Variants in VPS13B observed in about 807,000 individuals in gnomAD.
VPS13B encodes the protein intermembrane lipid transfer protein VPS13B.
VPS13B carries 285 observed loss-of-function variants against 426.4 expected under a neutral mutation model. That is an observed-to-expected ratio of 0.67 (90% CI 0.61 to 0.74). VPS13B has a LOEUF of 0.74. Among genes scored for constraint, VPS13B ranks in the 30% least tolerant of loss-of-function variants. VPS13B has a pLI of 0.00. For synonymous variants in VPS13B, 1,676 were observed against 1,676.4 expected, an observed-to-expected ratio of 1.00 and a Z score of 0.01; for missense variants, 4,537 against 4,782.6, an observed-to-expected ratio of 0.95 and a Z score of 1.51.
intron 2 of VPS13B, among the ~76,000 whole-genome samples, chr8:99,034,327 C>T (rs1842643660): frequency 2.0e-5 from 3 of 152,022 alleles, no homozygotes; most frequent in Admixed American, 2.0e-4. Flanking sequence ...GTTGTTTAAA[C>T]CTTTGAGCTA....
At chr8:99,508,619 A>C (rs1410019934) in intron 28 of VPS13B, among the ~76,000 whole-genome samples, 1 of 152,146 alleles carries the variant, frequency 6.6e-6, no homozygotes, top group African/African-American at 2.4e-5. Flanking sequence ...GGAAGTGTTT[A>C]GATTTATTTT....
intron 21 of VPS13B, among the ~76,000 whole-genome samples, chr8:99,405,894 C>G (rs1815302875): frequency 6.6e-6 from 1 of 151,954 alleles, no homozygotes; most frequent in Admixed American, 6.6e-5. Flanking sequence ...ATTCTCCTGC[C>G]TCAGCCTCCT....
chr8:99,286,156 C>T (rs1819430588), intron 19 of VPS13B, among the ~76,000 whole-genome samples: 1 of 152,160 alleles, frequency 6.6e-6, no homozygotes, highest in South Asian at 2.1e-4. Context: ...GAGTTCTTAA[C>T]AGCAGGGAAC....
intron 17 of VPS13B, among the ~76,000 whole-genome samples, chr8:99,245,092 T>C (rs1817144487): frequency 6.6e-6 from 1 of 152,206 alleles, no homozygotes; most frequent in Non-Finnish European, 1.5e-5. Flanking sequence ...ACGGTAATTG[T>C]TTTTAATAGA....
chr8:99,496,478 C>T (rs542538832), intron 25 of VPS13B, among the ~76,000 whole-genome samples: 51 of 152,178 alleles, frequency 3.4e-4, no homozygotes, highest in African/African-American at 1.1e-3. Context: ...AGTGAAACCC[C>T]GTTTCTACTA....
intron 39 of VPS13B, among the ~76,000 whole-genome samples, chr8:99,747,846 CT>C (rs528924547): frequency 2.2e-4 from 33 of 149,050 alleles, no homozygotes; most frequent in Admixed American, 3.4e-4. Context: ...TCCAAGAATA[CT>C]TTTTTTTTTC....
chr8:99,706,244 T>G (rs960268876), intron 36 of VPS13B, among the ~76,000 whole-genome samples: 1 of 152,108 alleles, frequency 6.6e-6, no homozygotes, highest in Non-Finnish European at 1.5e-5. Context: ...TGGATTTCAG[T>G]GTTTGAAGTA....
At chr8:99,018,915 G>A (rs1841750851) in intron 2 of VPS13B, among the ~76,000 whole-genome samples, 1 of 151,964 alleles carries the variant, frequency 6.6e-6, no homozygotes, top group African/African-American at 2.4e-5. Context: ...TGCATTCCTG[G>A]AATAAACCTG....
At chr8:99,143,796 C>T (rs1369574447) in intron 13 of VPS13B, among the ~76,000 whole-genome samples, 1 of 152,156 alleles carries the variant, frequency 6.6e-6, no homozygotes, top group African/African-American at 2.4e-5. Flanking sequence ...ATTTCTCTGT[C>T]TCTACAATAC....
chr8:99,370,216 G>A (rs986710853), intron 19 of VPS13B, among the ~76,000 whole-genome samples: 3 of 152,156 alleles, frequency 2.0e-5, no homozygotes, highest in Non-Finnish European at 2.9e-5. Context: ...CATTCCATCC[G>A]AGGAGGTAAT....
chr8:99,561,420 C>T (rs1035938066), intron 31 of VPS13B, among the ~76,000 whole-genome samples: 17 of 152,084 alleles, frequency 1.1e-4, no homozygotes, highest in African/African-American at 2.9e-4. Flanking sequence ...TAATATTCCA[C>T]TGTGTGTATG....
intron 19 of VPS13B, among the ~76,000 whole-genome samples, chr8:99,343,908 A>G (rs1811385984): frequency 6.6e-6 from 1 of 152,248 alleles, no homozygotes; most frequent in Non-Finnish European, 1.5e-5. Context: ...AAAACGATTT[A>G]CAGATTAGTG....
At chr8:99,476,407 AT>A (rs200393313) in intron 24 of VPS13B, among the ~76,000 whole-genome samples, 9,656 of 143,894 alleles carry the variant, frequency 0.067, 390 homozygotes, top group African/African-American at 0.11. Context: ...GGATGGCTTG[AT>A]TTTTTTTTTT....
intron 17 of VPS13B, among the ~76,000 whole-genome samples, chr8:99,201,754 T>A (rs752118288): frequency 3.9e-5 from 6 of 152,212 alleles, no homozygotes; most frequent in Non-Finnish European, 7.4e-5. Context: ...GTAATCTTTA[T>A]GTTACATATA....
intron 5 of VPS13B, among the ~76,000 whole-genome samples, chr8:99,106,452 A>AC (rs1447776212): frequency 2.6e-4 from 39 of 150,712 alleles, no homozygotes; most frequent in Non-Finnish European, 5.3e-4. Flanking sequence ...AAAAAAAAAA[A>AC]AACCCAAAAC....
intron 16 of VPS13B, among the ~76,000 whole-genome samples, chr8:99,186,815 G>A (rs1406202264): frequency 6.6e-6 from 1 of 151,946 alleles, no homozygotes; most frequent in Admixed American, 6.6e-5. Flanking sequence ...AAATAATTAA[G>A]GAGAGAATTT....
At chr8:99,341,790 G>C (rs1333385624) in intron 19 of VPS13B, 3 of 339,612 alleles carry the variant, frequency 8.8e-6, no homozygotes, top group Non-Finnish European at 1.8e-5. Context: ...CGTCCCACCA[G>C]AGCCCACGTG....
intron 19 of VPS13B, among the ~76,000 whole-genome samples, chr8:99,344,795 T>C (rs183838916): frequency 1.5e-3 from 221 of 152,250 alleles, no homozygotes; most frequent in African/African-American, 5.0e-3. Context: ...TTGGCAATTA[T>C]ATGTGTGGCT....
intron 6 of VPS13B, among the ~76,000 whole-genome samples, 156 bp downstream of exon 6, chr8:99,111,435 A>G (rs1279670267): frequency 1.3e-5 from 2 of 151,928 alleles, no homozygotes; most frequent in East Asian, 1.9e-4. Context: ...TATGATTTTT[A>G]TGTTGTATTT....
Sources: allele counts gnomAD v4.1 joint callset (sites outside exome capture counted in the v4.1 genomes callset), GRCh38; gene constraint gnomAD v4.1.1; transcripts MANE v1.5; gene names NCBI Gene and HGNC (gene_info 2026-07-23, HGNC 2026-07-21).